The following CELF1 variants were observed in gnomAD, a reference collection of about 807,000 sequenced individuals.
CELF1 encodes 50 kDa nuclear polyadenylated RNA-binding protein.
Under a neutral mutation model 61.8 loss-of-function variants are expected in CELF1, and 10 were observed. The ratio of observed to expected loss-of-function variants is 0.16; its 90% CI spans 0.10 to 0.27. CELF1 has a LOEUF of 0.27. Among genes scored for constraint, CELF1 ranks in the 10% least tolerant of loss-of-function variants. The pLI is 1.00. For missense variants in CELF1, 380 were observed against 639.1 expected (o/e 0.59, Z 4.37); for synonymous variants, 236 against 225.1 (o/e 1.05, Z -0.43).
At chr11:47,534,360 AT>A (rs1393639875) in intron 1 of CELF1, among the ~76,000 whole-genome samples, 1 of 151,598 alleles carries the variant, frequency 6.6e-6, no homozygotes, top group Non-Finnish European at 1.5e-5. Context: ...CAAGATTTCA[AT>A]GTTTTCCAAA....
chr11:47,496,709 G>A (rs1005784869), intron 3 of CELF1, among the ~76,000 whole-genome samples: 1 of 152,038 alleles, frequency 6.6e-6, no homozygotes, highest in African/African-American at 2.4e-5. Context: ...GAGGAGAGAT[G>A]GGAAAAGTGG....
Position 47,501,910 on chromosome 11 carries a change from T to G in CELF1, c.-153-978A>C, listed in dbSNP as rs546008785. 1.6e-3 allele frequency among the ~76,000 whole-genome samples: 250 copies of G among 152,290 alleles called. 1 individual carries two copies. The highest frequency in any genetic ancestry group is 5.8e-3 in the African/African-American group (242 of 41,562). Reference sequence around the variant, plus strand: ...AGGTTATTGTGTTTTTAATATTTCCTAAAAACATATGAAATCTAATTGTAT... The same window carrying G: ...AGGTTATTGTGTTTTTAATATTTCCGAAAAACATATGAAATCTAATTGTAT... On this transcript the variant is annotated intron_variant, in intron 1 of 14. Transcript: ENST00000687097.
At chr11:47,518,745 G>A (rs1321512131) in intron 1 of CELF1, among the ~76,000 whole-genome samples, 1 of 152,024 alleles carries the variant, frequency 6.6e-6, no homozygotes, top group Non-Finnish European at 1.5e-5. Context: ...TCTCTGTGAG[G>A]CTGCTCCACC....
At chr11:47,555,932 G>A (rs1284137134), upstream of CELF1, among the ~76,000 whole-genome samples, 2 of 150,894 alleles carry the variant, frequency 1.3e-5, no homozygotes, top group Non-Finnish European at 3.0e-5. Context: ...CTTGGGAGAC[G>A]GTGGTTGCAG....
chr11:47,501,097 T>C (rs1475458510), intron 1 of CELF1, among the ~76,000 whole-genome samples, 165 bp from the exon 2 acceptor site: 1 of 152,220 alleles, frequency 6.6e-6, no homozygotes, highest in African/African-American at 2.4e-5. Flanking sequence ...GTCTCTTCTG[T>C]CCATGTCCAG....
At chr11:47,526,212 G>A (rs1373786670) in intron 1 of CELF1, among the ~76,000 whole-genome samples, 3 of 152,046 alleles carry the variant, frequency 2.0e-5, no homozygotes, top group Non-Finnish European at 4.4e-5. Flanking sequence ...GCCAGGTGTG[G>A]GGGTGGCTGA....
intron 1 of CELF1, among the ~76,000 whole-genome samples, chr11:47,505,130 C>T (rs528884190): frequency 5.3e-5 from 8 of 151,282 alleles, no homozygotes; most frequent in African/African-American, 1.7e-4. Context: ...TGTACTACTG[C>T]TGTGTACTCA....
intron 3 of CELF1, among the ~76,000 whole-genome samples, chr11:47,497,851 A>C (rs920400157): frequency 1.3e-5 from 2 of 152,192 alleles, no homozygotes; most frequent in Non-Finnish European, 2.9e-5. Context: ...AATCTCTTAA[A>C]AGATTAGAAA....
intron 1 of CELF1, among the ~76,000 whole-genome samples, chr11:47,515,845 G>A (rs1398693782): frequency 6.6e-6 from 1 of 152,154 alleles, no homozygotes; most frequent in Non-Finnish European, 1.5e-5. Context: ...GCTGTATTTG[G>A]TAAAATAAGG....
chr11:47,491,298 G>T (rs934026388), intron 3 of CELF1, among the ~76,000 whole-genome samples: 2 of 151,944 alleles, frequency 1.3e-5, no homozygotes, highest in East Asian at 3.9e-4. Context: ...GAGTAGCTGG[G>T]ATTACAGGTA....
chr11:47,478,656 T>A (rs565787396), intron 10 of CELF1, among the ~76,000 whole-genome samples: 2 of 152,144 alleles, frequency 1.3e-5, no homozygotes, highest in Non-Finnish European at 2.9e-5. Flanking sequence ...CCTAAAAGGT[T>A]AGGAGGCACC....
intron 1 of CELF1, among the ~76,000 whole-genome samples, chr11:47,520,638 C>T (rs1200391886): frequency 6.6e-6 from 1 of 151,932 alleles, no homozygotes; most frequent in Non-Finnish European, 1.5e-5. Context: ...CAAAACCCTA[C>T]CTCTACCCAA....
intron 2 of CELF1, among the ~76,000 whole-genome samples, chr11:47,562,998 C>T (rs1275546392): frequency 2.0e-5 from 3 of 152,068 alleles, no homozygotes; most frequent in Admixed American, 2.0e-4. Context: ...CAGGTGTGAG[C>T]CACTGTGCCC....
intron 1 of CELF1, among the ~76,000 whole-genome samples, chr11:47,551,636 C>T (rs934838746): frequency 6.6e-6 from 1 of 152,188 alleles, no homozygotes; most frequent in Admixed American, 6.5e-5. Context: ...TGGAGAGAAG[C>T]TACACTTGTG....
chr11:47,552,662 C>T (rs1167880885), intron 1 of CELF1, among the ~76,000 whole-genome samples: 1 of 152,230 alleles, frequency 6.6e-6, no homozygotes, highest in Non-Finnish European at 1.5e-5. Flanking sequence ...GAAAACGGAG[C>T]TGGCCCTGGG....
chr11:47,503,483 A>G (rs2094169765), intron 1 of CELF1, among the ~76,000 whole-genome samples: 1 of 152,222 alleles, frequency 6.6e-6, no homozygotes, highest in Non-Finnish European at 1.5e-5. Context: ...AGGAGATTAG[A>G]AGCTACTACT....
intron 3 of CELF1, among the ~76,000 whole-genome samples, chr11:47,489,773 G>C (rs1165177541): frequency 6.6e-6 from 1 of 151,926 alleles, no homozygotes; most frequent in Non-Finnish European, 1.5e-5. Flanking sequence ...AGTTTCTCTA[G>C]TCCTATCACA....
intron 1 of CELF1, among the ~76,000 whole-genome samples, chr11:47,545,865 G>C (rs1454649623): frequency 1.8e-3 from 108 of 61,626 alleles, no homozygotes; most frequent in Non-Finnish European, 3.3e-3. Flanking sequence ...GTGTGTGTGT[G>C]TCTGCGTGTG....
rs187727998 is a variant in CELF1 at position 47,501,586 on chromosome 11, G to A, written c.-153-654C>T. On this transcript the variant is annotated intron_variant, in intron 1 of 14. Coordinates refer to ENST00000687097, the MANE Select transcript of CELF1 (RefSeq NM_001376376.1). ...CCCAACACTTTTGGGAGGCCAAGGC[G>A]GGCGGATCACCTGAGGTCAGAAGTT... Among the ~76,000 whole-genome samples the A allele has an allele frequency of 1.9e-3, 289 of 152,202 alleles. 1 individual carries two copies. Among genetic ancestry groups the A allele is most frequent in the African/African-American group, 6.3e-3 (260 of 41,536 alleles).
Sources: gnomAD v4.1 joint callset for allele counts (sites outside exome capture counted in the v4.1 genomes callset) on GRCh38, gnomAD v4.1.1 for gene constraint, MANE v1.5 for transcripts, NCBI Gene and HGNC (gene_info 2026-07-23, HGNC 2026-07-21) for gene names.